The following C2CD3 variants were observed in gnomAD, a reference collection of about 807,000 sequenced individuals.
C2CD3 encodes C2 domain containing 3 centriole elongation regulator, also known as C2 domain-containing protein 3.
In C2CD3, 148 loss-of-function variants were observed where a neutral mutation model predicts 234.0. That is an observed-to-expected ratio of 0.63 (90% CI 0.55 to 0.72). The LOEUF (loss-of-function observed/expected upper bound fraction) is 0.72. Among genes scored for constraint, C2CD3 ranks in the 30% least tolerant of loss-of-function variants. The pLI, the probability that C2CD3 is intolerant of heterozygous loss-of-function variation, is 0.00. For missense variants in C2CD3, 2,577 were observed against 2,811.5 expected, an observed-to-expected ratio of 0.92 and a Z score of 1.89; for synonymous variants, 1,000 against 1,035.4, an observed-to-expected ratio of 0.97 and a Z score of 0.66.
chr11:74,102,781 A>G (rs1956361409), intron 14 of C2CD3, among the ~76,000 whole-genome samples: 1 of 152,244 alleles, frequency 6.6e-6, no homozygotes, highest in Admixed American at 6.5e-5. Flanking sequence ...TGTGAGGAGA[A>G]ATATATAAAA....
intron 20 of C2CD3, among the ~76,000 whole-genome samples, chr11:74,088,960 A>G (rs1279157521): frequency 6.6e-6 from 1 of 152,236 alleles, no homozygotes; most frequent in Non-Finnish European, 1.5e-5. Flanking sequence ...GGTTCATAGG[A>G]TAAACTATAT....
intron 3 of C2CD3, among the ~76,000 whole-genome samples, chr11:74,142,629 C>G (rs1430599323): frequency 6.6e-6 from 1 of 151,888 alleles, no homozygotes; most frequent in Non-Finnish European, 1.5e-5. Context: ...GAGTGAAATA[C>G]AAACATTTGA....
intron 31 of C2CD3, 52 bp from the exon 32 acceptor site, chr11:74,028,450 G>A (rs373101975): frequency 3.0e-5 from 34 of 1,142,386 alleles, no homozygotes; most frequent in East Asian, 2.1e-4. Context: ...CCCTCTTGCA[G>A]TGGAGGCCAG....
intron 7 of C2CD3, among the ~76,000 whole-genome samples, chr11:74,127,785 T>C (rs1957462125): frequency 6.6e-6 from 1 of 152,194 alleles, no homozygotes; most frequent in South Asian, 2.1e-4. Flanking sequence ...ACTATTTGAC[T>C]TTAGTGGGTG....
rs140172238 is a variant in C2CD3 at position 74,037,658 on chromosome 11, G to A, written c.5701C>T (p.Arg1901Cys). The A allele has an allele frequency of 4.8e-5, 77 of 1,614,026 alleles. No individual in the cohort carries two copies. Among genetic ancestry groups the A allele is most frequent in the Middle Eastern group, 1.7e-4 (1 of 6,058 alleles). The part of the protein sequence containing the change: ...SELDQIQRYF[R>C]QKLTKPFLPL... The stretch of plus-strand genomic sequence containing the variant: ...AGGAAAGGCTTGGTGAGCTTCTGGC[G>A]GAAGTACCTCTGAATCTGATCAAGC... The change falls in exon 30 of 33, where the codon CGC becomes TGC. Residue 1901 changes from arginine to cysteine, a missense_variant. Transcript: ENST00000334126.
intron 7 of C2CD3, among the ~76,000 whole-genome samples, chr11:74,125,693 G>A (rs994672469): frequency 3.9e-5 from 6 of 152,058 alleles, no homozygotes; most frequent in Admixed American, 6.6e-5. Context: ...ATAATTTATT[G>A]CACCTTTTTT....
chr11:74,065,734 T>TA (rs35917503), intron 24 of C2CD3, among the ~76,000 whole-genome samples: 1 of 151,512 alleles, frequency 6.6e-6, no homozygotes, highest in African/African-American at 2.4e-5. Flanking sequence ...TATGCAGCCA[T>TA]AAAAAAGGAT....
chr11:74,033,184 T>C (rs903190560), intron 31 of C2CD3, among the ~76,000 whole-genome samples, 167 bp downstream of exon 31: 10 of 152,188 alleles, frequency 6.6e-5, no homozygotes, highest in Admixed American at 1.3e-4. Flanking sequence ...TGAGGGCTGG[T>C]GTTAATGGTA....
At chr11:74,076,543 T>G (rs1028102004) in intron 23 of C2CD3, among the ~76,000 whole-genome samples, 1 of 152,238 alleles carries the variant, frequency 6.6e-6, no homozygotes, top group African/African-American at 2.4e-5. Context: ...GGAACCATTG[T>G]GCTAGTTTTC....
intron 7 of C2CD3, among the ~76,000 whole-genome samples, chr11:74,126,180 T>A (rs1242562104): frequency 1.3e-5 from 2 of 152,218 alleles, no homozygotes; most frequent in Non-Finnish European, 2.9e-5. Context: ...AAAATAATTT[T>A]ACTTCAGAAT....
chr11:74,067,491 G>GA (rs1029043618), intron 24 of C2CD3, among the ~76,000 whole-genome samples: 3 of 151,832 alleles, frequency 2.0e-5, no homozygotes, highest in Admixed American at 2.0e-4. Flanking sequence ...GCATATTAAA[G>GA]AAAAAAATTT....
chr11:74,117,472 A>T lies in C2CD3; in HGVS notation c.1520+756T>A, dbSNP rs191194402. Among the ~76,000 whole-genome samples the T allele has an allele frequency of 4.6e-3, 692 of 149,140 alleles. 4 individuals carry two copies. The highest frequency in any genetic ancestry group is 7.7e-3 in the Non-Finnish European group (521 of 67,530). On this transcript the variant is annotated intron_variant, in intron 9 of 32. Transcript: ENST00000334126. Reference sequence around the variant, plus strand: ...GATGGAATTGGAGACCATTTTTCTAAGTGAAGTAACTCAGGAACAGAAAAC... The same window carrying T: ...GATGGAATTGGAGACCATTTTTCTATGTGAAGTAACTCAGGAACAGAAAAC...
At chr11:74,117,028 ATG>A (rs1357712425) in intron 9 of C2CD3, among the ~76,000 whole-genome samples, 1 of 104,796 alleles carries the variant, frequency 9.5e-6, no homozygotes, top group Admixed American at 1.0e-4. Flanking sequence ...ATACGTGTAT[ATG>A]TATATATACG....
chr11:74,106,094 C>T (rs1401867199), intron 13 of C2CD3, among the ~76,000 whole-genome samples: 2 of 152,202 alleles, frequency 1.3e-5, no homozygotes, highest in African/African-American at 4.8e-5. Flanking sequence ...GGAATGGTCT[C>T]TGTGTTTTTT....
chr11:74,117,178 A>G (rs1420011608), intron 9 of C2CD3, among the ~76,000 whole-genome samples: 1 of 70,546 alleles, frequency 1.4e-5, no homozygotes, highest in South Asian at 4.4e-4. Flanking sequence ...ATGAATATAT[A>G]TATATGAATA....
At chr11:74,042,805 A>G (rs2135422818) in intron 28 of C2CD3, among the ~76,000 whole-genome samples, 1 of 152,130 alleles carries the variant, frequency 6.6e-6, no homozygotes, top group Admixed American at 6.5e-5. Context: ...AGTAATAATA[A>G]CAAGAGCAAC....
intron 24 of C2CD3, among the ~76,000 whole-genome samples, chr11:74,065,386 T>C (rs755598263): frequency 6.6e-6 from 1 of 152,164 alleles, no homozygotes; most frequent in African/African-American, 2.4e-5. Flanking sequence ...CCAGTTAGAA[T>C]GGCGATCATT....
At chr11:74,045,162 A>T (rs897442393) in intron 28 of C2CD3, among the ~76,000 whole-genome samples, 1 of 152,174 alleles carries the variant, frequency 6.6e-6, no homozygotes, top group Non-Finnish European at 1.5e-5. Context: ...TTCCAGCACC[A>T]TTTATAGAAA....
rs35477575 is a variant in C2CD3, at chr11:74,103,431, T to G, written c.2280A>C (p.Ala760=). 9.6e-3 allele frequency: 15,491 copies of G among 1,614,148 alleles called. 1,134 individuals are homozygous for G. In the African/African-American group the frequency reaches 0.17, roughly 18 times the overall value. The change falls in exon 14 of 33, where the codon GCA becomes GCC. Residue 760 remains alanine, a synonymous_variant. Coordinates refer to ENST00000334126, the MANE Select transcript of C2CD3 (RefSeq NM_001286577.2). The part of the protein sequence containing the change: ...NQIHEETAKK[A]QNLVLPNRKS... ...TTCGGTTGGGGAGCACCAAGTTCTG[T>G]GCTTTCTTTGCAGTTTCCTCATGAA...
Sources: allele counts gnomAD v4.1 joint callset (sites outside exome capture counted in the v4.1 genomes callset), GRCh38; gene constraint gnomAD v4.1.1; transcripts MANE v1.5; gene names NCBI Gene and HGNC (gene_info 2026-07-23, HGNC 2026-07-21).